The following RABEP1 variants were observed in gnomAD, a reference collection of about 807,000 sequenced individuals.
The protein encoded by RABEP1 is rabaptin, RAB GTPase binding effector protein 1.
RABEP1 carries 51 observed loss-of-function variants against 123.4 expected under a neutral mutation model. The observed-to-expected ratio is 0.41, with a 90% CI of 0.33 to 0.52. The LOEUF (loss-of-function observed/expected upper bound fraction) is 0.52. Among genes scored for constraint, RABEP1 ranks in the 20% least tolerant of loss-of-function variants. The pLI is 0.16. For missense variants in RABEP1, 888 were observed against 996.3 expected (o/e 0.89, Z 1.46); for synonymous variants, 347 against 355.2 (o/e 0.98, Z 0.26).
At chr17:5,378,509 A>T (rs1911185584) in intron 15 of RABEP1, 4 of 506,878 alleles carry the variant, frequency 7.9e-6, no homozygotes, top group Non-Finnish European at 1.4e-5. Context: ...GCATGGTCAT[A>T]ACATGTTATA....
intron 1 of RABEP1, among the ~76,000 whole-genome samples, chr17:5,303,441 C>A (rs1431626831): frequency 6.6e-6 from 1 of 151,996 alleles, no homozygotes; most frequent in African/African-American, 2.4e-5. Flanking sequence ...AGGGTTTCGC[C>A]ACATTGACCA....
At chr17:5,347,060 T>A in intron 6 of RABEP1, 135 bp downstream of exon 6, 2 of 737,260 alleles carry the variant, frequency 2.7e-6, no homozygotes, top group African/African-American at 1.8e-5. Context: ...GTAGTTGGTT[T>A]AAATGTACTC....
chr17:5,319,057 C>T (rs552108640), intron 2 of RABEP1, among the ~76,000 whole-genome samples: 38 of 152,100 alleles, frequency 2.5e-4, no homozygotes, highest in Non-Finnish European at 4.4e-4. Context: ...TTAGGCCGGG[C>T]GTGGTGGCTC....
chr17:5,304,940 A>G (rs749340304), intron 1 of RABEP1, among the ~76,000 whole-genome samples: 16 of 152,190 alleles, frequency 1.1e-4, no homozygotes, highest in Non-Finnish European at 1.9e-4. Flanking sequence ...AATAAATACT[A>G]CCAATTTAAT....
intron 2 of RABEP1, among the ~76,000 whole-genome samples, chr17:5,317,464 A>C (rs555130189): frequency 3.5e-4 from 54 of 152,272 alleles, no homozygotes; most frequent in African/African-American, 1.3e-3. Flanking sequence ...CTAACATCAC[A>C]CTTAATGTTT....
At chr17:5,324,863 C>CA (rs768516971) in intron 2 of RABEP1, among the ~76,000 whole-genome samples, 4 of 152,120 alleles carry the variant, frequency 2.6e-5, no homozygotes, top group Non-Finnish European at 4.4e-5. Context: ...TCACCACAGT[C>CA]AAAATTGCTT....
intron 8 of RABEP1, among the ~76,000 whole-genome samples, chr17:5,359,796 T>C (rs1234949249): frequency 6.6e-6 from 1 of 152,228 alleles, no homozygotes; most frequent in Non-Finnish European, 1.5e-5. Flanking sequence ...AAGGATATTA[T>C]CTTAAAACAT....
Position 5,383,480 on chromosome 17 carries a change from G to A in RABEP1, c.*257G>A. On this transcript the variant is annotated 3_prime_UTR_variant, in exon 18 of 18. Transcript: ENST00000537505. ...TTCCAACAGGCGTGGGATCAGATTT[G>A]GTGATGGAAAAAGCGCTGTTTCCTT... 2.4e-6 allele frequency: 1 copy of A among 414,372 alleles called. No homozygotes were observed. Among genetic ancestry groups the A allele is most frequent in the Non-Finnish European group, 4.4e-6 (1 of 227,580 alleles). 25.7% of individuals were successfully genotyped at this position (414,372 alleles called of 1,614,324 possible).
intron 11 of RABEP1, among the ~76,000 whole-genome samples, chr17:5,366,206 G>A (rs182815518): frequency 6.6e-6 from 1 of 152,190 alleles, no homozygotes; most frequent in East Asian, 1.9e-4. Flanking sequence ...TTTCACTGTG[G>A]CTTAGTTTGC....
intron 2 of RABEP1, among the ~76,000 whole-genome samples, chr17:5,321,974 G>A (rs1295875271): frequency 6.6e-6 from 1 of 152,204 alleles, no homozygotes; most frequent in Non-Finnish European, 1.5e-5. Flanking sequence ...CAGGGCGGGT[G>A]GATCACCTGA....
intron 2 of RABEP1, among the ~76,000 whole-genome samples, chr17:5,311,710 A>C (rs1226249179): frequency 6.6e-6 from 1 of 151,190 alleles, no homozygotes; most frequent in Non-Finnish European, 1.5e-5. Flanking sequence ...AAAAAAAAAA[A>C]AAAAAAAAAA....
intron 2 of RABEP1, among the ~76,000 whole-genome samples, chr17:5,329,727 C>CA (rs1218626910): frequency 1.3e-5 from 2 of 151,276 alleles, no homozygotes; most frequent in African/African-American, 4.9e-5. Flanking sequence ...TGCTTTACTA[C>CA]AAAAAATTAA....
chr17:5,346,858 T>C lies in RABEP1; in HGVS notation c.717T>C (p.Ala239=). 1 of 1,610,588 alleles carries C rather than the reference T, an allele frequency of 6.2e-7. No homozygotes were observed. Among genetic ancestry groups the C allele is most frequent in the Non-Finnish European group, 8.5e-7 (1 of 1,177,872 alleles). Residue 239 remains alanine, a synonymous_variant, in exon 6 of 18, where the codon GCT becomes GCC. Transcript: ENST00000537505. ...SCRTDLEMYV[A]VLNTQKSVLQ... The stretch of plus-strand genomic sequence containing the variant: ...GGACTGATCTAGAGATGTATGTAGC[T>C]GTTTTGAATACTCAGAAATCTGTTC...
chr17:5,290,794 A>G (rs2075026003), intron 1 of RABEP1, among the ~76,000 whole-genome samples: 1 of 151,992 alleles, frequency 6.6e-6, no homozygotes, highest in Non-Finnish European at 1.5e-5. Flanking sequence ...GTGGGTTTCA[A>G]CATGTTGCCC....
At chr17:5,282,684 C>T (rs2074938119) in intron 1 of RABEP1, among the ~76,000 whole-genome samples, 164 bp downstream of exon 1, 1 of 146,088 alleles carries the variant, frequency 6.8e-6, no homozygotes, top group Non-Finnish European at 1.5e-5. Flanking sequence ...GCGAGGGCGG[C>T]GCGGGCGCCC....
intron 1 of RABEP1, among the ~76,000 whole-genome samples, chr17:5,290,996 G>C (rs2075027803): frequency 6.6e-6 from 1 of 152,188 alleles, no homozygotes; most frequent in South Asian, 2.1e-4. Flanking sequence ...AATCCAGGTT[G>C]CCGTGACTAT....
intron 12 of RABEP1, among the ~76,000 whole-genome samples, chr17:5,368,752 A>T (rs1910294666): frequency 6.6e-6 from 1 of 152,252 alleles, no homozygotes; most frequent in African/African-American, 2.4e-5. Flanking sequence ...TTAATTTTTA[A>T]TTCCAAATAA....
At chr17:5,324,014 C>G (rs114030718) in intron 2 of RABEP1, among the ~76,000 whole-genome samples, 3 of 151,482 alleles carry the variant, frequency 2.0e-5, no homozygotes, top group East Asian at 3.9e-4. Flanking sequence ...ACAATACTAT[C>G]CAAAGCAATT....
At chr17:5,316,144 A>G (rs1272959974) in intron 2 of RABEP1, among the ~76,000 whole-genome samples, 2 of 152,158 alleles carry the variant, frequency 1.3e-5, no homozygotes, top group African/African-American at 4.8e-5. Context: ...AGCCATCTAC[A>G]TAATCACTAA....
Sources: allele counts gnomAD v4.1 joint callset (sites outside exome capture counted in the v4.1 genomes callset), GRCh38; gene constraint gnomAD v4.1.1; transcripts MANE v1.5; gene names NCBI Gene and HGNC (gene_info 2026-07-23, HGNC 2026-07-21).